DDX50: variants seen among roughly 807,000 people sequenced by gnomAD.
The protein encoded by DDX50 is ATP-dependent RNA helicase DDX50.
DDX50 carries 56 observed loss-of-function variants against 94.8 expected under a neutral mutation model. That is an observed-to-expected ratio of 0.59 (90% confidence interval 0.48 to 0.74). The LOEUF (loss-of-function observed/expected upper bound fraction) is 0.74, where lower values mean the gene tolerates loss of function less well. Ranked by LOEUF, DDX50 falls within the 30% of genes least tolerant of loss-of-function variation. DDX50 has a pLI of 0.00. For synonymous variants in DDX50, 264 were observed against 295.4 expected, an observed-to-expected ratio of 0.89 and a Z score of 1.09; for missense variants, 713 against 881.2, an observed-to-expected ratio of 0.81 and a Z score of 2.42.
At chr10:68,917,161 G>GA (rs1183884283) in intron 7 of DDX50, among the ~76,000 whole-genome samples, 2 of 150,762 alleles carry the variant, frequency 1.3e-5, no homozygotes, top group East Asian at 4.0e-4. Context: ...ATTTTCTGTT[G>GA]AAAAAACTCA....
At chr10:68,920,111 G>GCCC in intron 8 of DDX50, 130 bp downstream of exon 8, 1 of 1,081,178 alleles carries the variant, frequency 9.2e-7, no homozygotes, top group Non-Finnish European at 1.4e-6. Context: ...TGGGCATGGT[G>GCCC]GCCCACACCT....
chr10:68,918,585 A>G (rs888030643), intron 7 of DDX50, among the ~76,000 whole-genome samples: 3 of 151,372 alleles, frequency 2.0e-5, no homozygotes, highest in East Asian at 3.9e-4. Context: ...ACAGGTGCCC[A>G]TGACTAAGTT....
At chr10:68,939,365 T>A (rs372659425) in intron 12 of DDX50, among the ~76,000 whole-genome samples, 5 of 152,310 alleles carry the variant, frequency 3.3e-5, no homozygotes, top group African/African-American at 1.2e-4. Context: ...TCTCATCCAA[T>A]GAAGAATCCC....
In DDX50 at chr10:68,937,075, T is replaced by A; in HGVS notation, c.1735T>A (p.Ser579Thr). The part of the protein sequence containing the change: ...ISGASSFEPR[S>T]LITSDKGFVT... ...TGGTGCATCAAGCTTTGAACCACGA[T>A]CTTTGATCACCTCTGATAAGGTAGA... The change falls in exon 12 of 15, where the codon TCT becomes ACT. Residue 579 changes from serine (S) to threonine (T), a missense_variant. Transcript: ENST00000373585. The A allele has an allele frequency of 6.2e-7, 1 of 1,613,050 alleles. No individual in the cohort carries two copies. The highest frequency in any genetic ancestry group is 8.5e-7 in the Non-Finnish European group (1 of 1,179,606).
At chr10:68,911,432 G>A (rs1841623939) in intron 4 of DDX50, among the ~76,000 whole-genome samples, 186 bp downstream of exon 4, 1 of 152,206 alleles carries the variant, frequency 6.6e-6, no homozygotes, top group Non-Finnish European at 1.5e-5. Context: ...TTTTGCATAT[G>A]AATGTGATGT....
At chr10:68,932,385 G>A (rs1431120363) in intron 8 of DDX50, among the ~76,000 whole-genome samples, 2 of 151,966 alleles carry the variant, frequency 1.3e-5, no homozygotes, top group Non-Finnish European at 2.9e-5. Context: ...TTAACCTCTC[G>A]AGTAGCTGGG....
At chr10:68,910,054 G>A (rs1347323709) in intron 2 of DDX50, among the ~76,000 whole-genome samples, 1 of 152,156 alleles carries the variant, frequency 6.6e-6, no homozygotes, top group African/African-American at 2.4e-5. Context: ...AGTGAGCATG[G>A]TGGCATGCGC....
chr10:68,923,111 T>TAA (rs71474455), intron 8 of DDX50, among the ~76,000 whole-genome samples: 14,251 of 114,278 alleles, frequency 0.12, 1,408 homozygotes, highest in African/African-American at 0.27. Context: ...CCCTTTCTCT[T>TAA]AAAAAAAAAA....
chr10:68,930,657 GT>G lies in DDX50; in HGVS notation c.1240-3534del, dbSNP rs146583869. 2.0e-5 allele frequency among the ~76,000 whole-genome samples: 3 copies of G among 151,634 alleles called. No homozygotes were observed. In the South Asian group the frequency reaches 6.3e-4, roughly 32 times the overall value. ...CACACTCCATACATGCCATGGTTTT[GT>G]TTTTTTTGGGGGTGGGGAGACAGGG... On this transcript the variant is annotated intron_variant, in intron 8 of 14. Coordinates refer to ENST00000373585, the MANE Select transcript of DDX50 (RefSeq NM_024045.2).
At chr10:68,920,784 A>G (rs1280155818) in intron 8 of DDX50, among the ~76,000 whole-genome samples, 3 of 151,754 alleles carry the variant, frequency 2.0e-5, no homozygotes, top group Non-Finnish European at 4.4e-5. Context: ...CATCTCTACT[A>G]AAAATATAAA....
At chr10:68,916,732 G>C (rs1308189461) in intron 7 of DDX50, among the ~76,000 whole-genome samples, 3 of 152,198 alleles carry the variant, frequency 2.0e-5, no homozygotes, top group Non-Finnish European at 4.4e-5. Context: ...TGCCTAGTCT[G>C]CAGTGCAATG....
rs1021589469 is a variant in DDX50 at position 68,943,113 on chromosome 10, A to T, written c.1891-100A>T. The T allele has an allele frequency of 3.8e-6, 4 of 1,042,506 alleles. No homozygotes were observed. In the Admixed American group the frequency reaches 9.3e-5, roughly 24 times the overall value. 64.6% of individuals were successfully genotyped at this position (1,042,506 alleles called of 1,614,324 possible). On this transcript the variant is annotated intron_variant, in intron 13 of 14. Transcript: ENST00000373585. ...GTTTAGTTACTTTTTAAATTTAGAAAATACATTAAGCAGCCACTGAGTCAT... is the reference window on the plus strand; with the variant it reads ...GTTTAGTTACTTTTTAAATTTAGAATATACATTAAGCAGCCACTGAGTCAT...
chr10:68,909,163 AAG>A (rs745803681), intron 2 of DDX50, among the ~76,000 whole-genome samples: 2 of 152,248 alleles, frequency 1.3e-5, no homozygotes, highest in East Asian at 3.9e-4. Context: ...TTATCATAAA[AAG>A]GTAACAGCAG....
chr10:68,915,920 G>A (rs996924787), intron 7 of DDX50, among the ~76,000 whole-genome samples: 3 of 152,098 alleles, frequency 2.0e-5, no homozygotes, highest in South Asian at 2.1e-4. Flanking sequence ...ATACAATGAT[G>A]TATACAAAAA....
At position 68,901,430 on chromosome 10, in the gene DDX50, C is replaced by A; in HGVS notation, c.46C>A (p.Pro16Thr). The A allele has an allele frequency of 6.3e-7, 1 of 1,575,928 alleles. No homozygotes were observed. The highest frequency in any genetic ancestry group is 8.6e-7 in the Non-Finnish European group (1 of 1,161,452). The change falls in exon 1 of 15, where the codon CCC becomes ACC. Residue 16 changes from proline (P) to threonine (T), a missense_variant. Coordinates refer to ENST00000373585, the MANE Select transcript of DDX50 (RefSeq NM_024045.2). ...LWGDIMELEAPLEESESQKKE... is the reference protein window; with the variant it reads ...LWGDIMELEATLEESESQKKE... Reference sequence around the variant, plus strand: ...GGGGGACATTATGGAGCTGGAAGCACCCTTGGAGGAGTCCGAGAGCCAGAA... The same window carrying A: ...GGGGGACATTATGGAGCTGGAAGCAACCTTGGAGGAGTCCGAGAGCCAGAA...
chr10:68,943,266 A>T lies in DDX50; in HGVS notation c.1935+9A>T. On this transcript the variant is annotated intron_variant, in intron 14 of 14. Coordinates refer to ENST00000373585, the MANE Select transcript of DDX50 (RefSeq NM_024045.2). ...AGTCAGAAAGGTTACAGGTATTTTTAAAATTTTATCTTTTAAATGGTTGAG... is the reference window on the plus strand; with the variant it reads ...AGTCAGAAAGGTTACAGGTATTTTTTAAATTTTATCTTTTAAATGGTTGAG... 1.2e-6 allele frequency: 2 copies of T among 1,601,806 alleles called. No homozygotes were observed. Among genetic ancestry groups the T allele is most frequent in the Non-Finnish European group, 1.7e-6 (2 of 1,175,970 alleles).
At chr10:68,910,542 A>G (rs888758660) in intron 3 of DDX50, among the ~76,000 whole-genome samples, 160 bp downstream of exon 3, 4 of 152,128 alleles carry the variant, frequency 2.6e-5, no homozygotes, top group Non-Finnish European at 5.9e-5. Context: ...AGTTGGGATT[A>G]TAGGCGTGTG....
intron 3 of DDX50, 124 bp from the exon 4 acceptor site, chr10:68,910,944 C>A: frequency 1.5e-6 from 1 of 656,866 alleles, no homozygotes; most frequent in Non-Finnish European, 2.4e-6. Flanking sequence ...GTAGGAATAA[C>A]TGTGTCACCA....
chr10:68,933,071 GT>G (rs1554836942), intron 8 of DDX50, among the ~76,000 whole-genome samples: 160 of 36,034 alleles, frequency 4.4e-3, no homozygotes, highest in Non-Finnish European at 7.9e-3. Flanking sequence ...TTGTTTGTTT[GT>G]TTTTTTTTTT....
Sources: allele counts gnomAD v4.1 joint callset (sites outside exome capture counted in the v4.1 genomes callset), GRCh38; gene constraint gnomAD v4.1.1; transcripts MANE v1.5; gene names NCBI Gene and HGNC (gene_info 2026-07-23, HGNC 2026-07-21).